The following ATP8B3 variants were observed in gnomAD, a reference collection of about 807,000 sequenced individuals.
The protein encoded by ATP8B3 is ATPase phospholipid transporting 8B3, also known as phospholipid-transporting ATPase IK.
Under a neutral mutation model 140.9 loss-of-function variants are expected in ATP8B3, and 141 were observed. The ratio of observed to expected loss-of-function variants is 1.00; its 90% CI spans 0.87 to 1.15. ATP8B3 has a LOEUF of 1.15. ATP8B3 is among the 50% of genes most tolerant of loss of function. The pLI is 0.00. For missense variants in ATP8B3, 1,874 were observed against 1,740.6 expected (o/e 1.08, Z -1.36); for synonymous variants, 765 against 714.6 (o/e 1.07, Z -1.13).
At chr19:1,785,819 T>C in intron 25 of ATP8B3, 111 bp from the exon 26 acceptor site, 3 of 1,209,354 alleles carry the variant, frequency 2.5e-6, no homozygotes, top group South Asian at 1.5e-5. Context: ...TGTGTGGCTC[T>C]TTGAGTTTAA....
Position 1,805,929 on chromosome 19 carries a change from C to A in ATP8B3, c.780G>T (p.Glu260Asp). The change falls in exon 9 of 29, where the codon GAG becomes GAT. Residue 260 changes from glutamate to aspartate, a missense_variant. Coordinates refer to ENST00000310127, the MANE Select transcript of ATP8B3 (RefSeq NM_138813.4). The surrounding 1 kb of genome is among the most constrained non-coding windows in gnomAD (Gnocchi z 5.2). The stretch of plus-strand genomic sequence containing the variant: ...TCTCCACATAGCACAGGCTGCTGGG[C>A]TCCGTGCTGGCCAGCAAGAGCATGT... The part of the protein sequence containing the change: ...PADMLLLAST[E>D]PSSLCYVETV... 1 of 1,612,846 alleles carries A rather than the reference C, an allele frequency of 6.2e-7. No individual in the cohort carries two copies. The highest frequency in any genetic ancestry group is 8.5e-7 in the Non-Finnish European group (1 of 1,179,838).
At position 1,811,466 on chromosome 19, in the gene ATP8B3, C is replaced by T. The variant is rs201561038; in HGVS notation, c.248+23G>A. On this transcript the variant is annotated intron_variant, in intron 2 of 28. Coordinates refer to ENST00000310127, the MANE Select transcript of ATP8B3 (RefSeq NM_138813.4). ...CCAAGCCCCTGCCCCTGTGTTCCGG[C>T]CACCCGATGCACCCGTCCTCACCCT... 78 of 1,602,778 alleles carry T rather than the reference C, an allele frequency of 4.9e-5. No individual in the cohort carries two copies. In the African/African-American group the frequency reaches 8.4e-4, roughly 17 times the overall value.
chr19:1,783,353 G>C lies in ATP8B3; in HGVS notation c.3661-83C>G. On this transcript the variant is annotated intron_variant, in intron 28 of 28. Transcript: ENST00000310127. The stretch of plus-strand genomic sequence containing the variant: ...CAGGTCCCCCAAGTAGGAGAGGCAG[G>C]ATTCAAAGCCCTTGGCCACTATTGA... The C allele has an allele frequency of 5.4e-6, 8 of 1,493,662 alleles. No individual in the cohort carries two copies. In the South Asian group the frequency reaches 1.0e-4, roughly 19 times the overall value. The allele number at this position is 1,493,662 out of a possible 1,614,324, so 92.5% of individuals were successfully genotyped here. A position where few individuals can be genotyped will look rare whatever the true frequency, so the allele number is the denominator to read the frequency against.
rs201547031 is a variant in ATP8B3, at chr19:1,783,204, G to A, written c.3727C>T (p.Arg1243Trp). 2.5e-5 allele frequency: 40 copies of A among 1,612,406 alleles called. No individual in the cohort carries two copies. The highest frequency in any genetic ancestry group is 6.7e-5 in the East Asian group (3 of 44,822). The change falls in exon 29 of 29, where the codon CGG (arginine) becomes TGG (tryptophan). Residue 1243 changes from arginine to tryptophan, a missense_variant. Arg to Trp is a moderately radical substitution (Grantham distance 101). Around this residue, in one of 3 missense-constraint regions of ATP8B3, gnomAD observed 840 missense variants for 760.9 expected, o/e 1.10. Transcript: ENST00000310127. ...FTMEPLPHVH[R>W]ESRARRSSYA... ...CTGGAACGGCGGGCACGAGACTCCC[G>A]GTGTACATGAGGCAAGGGCTCCATG...
At chr19:1,797,149 G>A (rs1018519320) in intron 14 of ATP8B3, 144 bp from the exon 15 acceptor site, 92 of 1,306,776 alleles carry the variant, frequency 7.0e-5, no homozygotes, top group South Asian at 4.6e-4. Context: ...CCGACACCCC[G>A]AGCAATCTTG....
rs775535225 is a variant in ATP8B3 at position 1,791,794 on chromosome 19, T to A, written c.2258A>T (p.Lys753Met). Residue 753 changes from lysine (K) to methionine (M), a missense_variant, in exon 20 of 29, where the codon AAG becomes ATG. Physicochemically the swap from Lys to Met is moderately conservative, Grantham distance 95. Around this residue, in one of 3 missense-constraint regions of ATP8B3, gnomAD observed 840 missense variants for 760.9 expected, o/e 1.10. Transcript: ENST00000310127. ...CACCCATATTTTGATGTTGCTCTTC[T>A]TGAGACATTTGATGGTTTCAGGGAC... ...DGVPETIKCL[K>M]KSNIKIWVLT... 10 of 1,612,000 alleles carry A rather than the reference T, an allele frequency of 6.2e-6. No homozygotes were observed. The Middle Eastern group carries it at 5.0e-4, about 80-fold the overall frequency.
At position 1,806,000 on chromosome 19, in the gene ATP8B3, G is replaced by C. The variant is rs2069002630; in HGVS notation, c.751-42C>G. 1 of 1,611,286 alleles carries C rather than the reference G, an allele frequency of 6.2e-7. No homozygotes were observed. The highest frequency in any genetic ancestry group is 1.7e-5 in the Admixed American group (1 of 59,898). On this transcript the variant is annotated intron_variant, in intron 8 of 28. Transcript: ENST00000310127. This position sits in a 1 kb window ranked among gnomAD's most constrained non-coding sequence, Gnocchi z 5.2. ...GGCAGCGTTGCAAGAGGGGATGCAA[G>C]ACAAATTGGGGGTGCGGCAGCCCTC...
intron 3 of ATP8B3, 45 bp downstream of exon 3, chr19:1,810,577 A>G (rs1156593953): frequency 4.4e-6 from 7 of 1,588,708 alleles, no homozygotes; most frequent in African/African-American, 1.4e-5. Flanking sequence ...CCTGAACTTC[A>G]TAATCCCTCC....
At position 1,783,056 on chromosome 19, in the gene ATP8B3, G is replaced by A. The variant is rs758245611; in HGVS notation, c.3875C>T (p.Ala1292Val). ...CTGTGACTCTTTTGGGCTCGAAGCTGCCTCTTCATCAGATGGGTCTAGGGA... is the reference window on the plus strand; with the variant it reads ...CTGTGACTCTTTTGGGCTCGAAGCTACCTCTTCATCAGATGGGTCTAGGGA... ...SESLDPSDEE[A>V]ASSPKESQ The change falls in exon 29 of 29, where the codon GCA becomes GTA. Residue 1292 changes from alanine to valine, a missense_variant. By Grantham distance (64) the Ala-to-Val change is moderately conservative. Transcript: ENST00000310127. 2.5e-6 allele frequency: 4 copies of A among 1,611,360 alleles called. No individual in the cohort carries two copies. In the East Asian group the frequency reaches 6.7e-5, roughly 27 times the overall value.
At chr19:1,785,839 A>G (rs2068289559) in intron 25 of ATP8B3, 131 bp from the exon 26 acceptor site, 1 of 1,073,084 alleles carries the variant, frequency 9.3e-7, no homozygotes. Flanking sequence ...AGTGAGTTAA[A>G]ATAAAGTAAG....
rs776972824 is a variant in ATP8B3 at position 1,785,257 on chromosome 19, G to A, written c.3434C>T (p.Ala1145Val). 2.5e-5 allele frequency: 40 copies of A among 1,609,282 alleles called. 1 individual carries two copies. Among genetic ancestry groups the A allele is most frequent in the Non-Finnish European group, 3.1e-5 (36 of 1,177,944 alleles). The part of the protein sequence containing the change: ...IIKYWTALCV[A>V]TILLSLGFYA... Reference sequence around the variant, plus strand: ...GAAACCAAGGCTGAGGAGGATGGTCGCCACGCACAGGGCGGTCCAGTACTT... The same window carrying A: ...GAAACCAAGGCTGAGGAGGATGGTCACCACGCACAGGGCGGTCCAGTACTT... The change falls in exon 27 of 29, where the codon GCG (alanine) becomes GTG (valine). Residue 1145 changes from alanine to valine, a missense_variant. Ala to Val is a moderately conservative substitution (Grantham distance 64). Transcript: ENST00000310127.
At position 1,788,961 on chromosome 19, in the gene ATP8B3, T is replaced by C. The variant is rs979957209; in HGVS notation, c.3005A>G (p.Tyr1002Cys). 2.5e-6 allele frequency: 4 copies of C among 1,609,516 alleles called. No individual in the cohort carries two copies. Among genetic ancestry groups the C allele is most frequent in the African/African-American group, 2.7e-5 (2 of 74,952 alleles). The change falls in exon 24 of 29, where the codon TAC (tyrosine) becomes TGC (cysteine). Residue 1002 changes from tyrosine to cysteine, a missense_variant. By Grantham distance (194) the Tyr-to-Cys change is radical (BLOSUM62 -2). Around this residue, in one of 3 missense-constraint regions of ATP8B3, gnomAD observed 840 missense variants for 760.9 expected, o/e 1.10. Coordinates refer to ENST00000310127, the MANE Select transcript of ATP8B3 (RefSeq NM_138813.4). ...RICKFLRYFF[Y>C]KSMASMMVQV... ...CACCATCATGCTGGCCATGCTCTTG[T>C]AGAAGAAGTAGCGCAGGAACTTGCA...
At chr19:1,792,710 G>T (rs1344915653) in intron 18 of ATP8B3, among the ~76,000 whole-genome samples, 2 of 152,074 alleles carry the variant, frequency 1.3e-5, no homozygotes, top group East Asian at 3.8e-4. Context: ...CCAGGAGTTT[G>T]AGACCAGCTT....
chr19:1,785,755 A>C, intron 25 of ATP8B3, 47 bp from the exon 26 acceptor site: 1 of 1,435,392 alleles, frequency 7.0e-7, no homozygotes, highest in Non-Finnish European at 9.5e-7. Flanking sequence ...GGCGGGGGAC[A>C]CCCAACAGAG....
chr19:1,810,303 G>A (rs1347665380), intron 3 of ATP8B3, among the ~76,000 whole-genome samples: 1 of 152,156 alleles, frequency 6.6e-6, no homozygotes, highest in Non-Finnish European at 1.5e-5. Flanking sequence ...TGTCACCCAG[G>A]CTGGAGTGCA....
At position 1,806,289 on chromosome 19, in the gene ATP8B3, G is replaced by GC; in HGVS notation, c.678-121dup. 1 of 1,497,726 alleles carries GC rather than the reference G, an allele frequency of 6.7e-7. No homozygotes were observed. The highest frequency in any genetic ancestry group is 8.9e-7 in the Non-Finnish European group (1 of 1,127,444). The allele number at this position is 1,497,726 out of a possible 1,614,324, so 92.8% of individuals were successfully genotyped here. A position where few individuals can be genotyped will look rare whatever the true frequency, so the allele number is the denominator to read the frequency against. ...CTGCAGTCCCCACCTCCGGGCCTTT[G>GC]CCCCCTCAGGAAGCCTTCCCCGGGC... On this transcript the variant is annotated intron_variant, in intron 7 of 28. Coordinates refer to ENST00000310127, the MANE Select transcript of ATP8B3 (RefSeq NM_138813.4). The surrounding 1 kb of genome is among the most constrained non-coding windows in gnomAD (Gnocchi z 5.6).
Position 1,782,272 on chromosome 19 carries a change from T to C in ATP8B3, c.*756A>G, listed in dbSNP as rs184276340. ...CGAAGATGCCTCTTCATCAGATGGG[T>C]CTAGGGATTCAGATGCTACGTCACT... On this transcript the variant is annotated 3_prime_UTR_variant, in exon 29 of 29. Transcript: ENST00000310127. 467 of 348,200 alleles carry C rather than the reference T, an allele frequency of 1.3e-3. No homozygotes were observed. Among genetic ancestry groups the C allele is most frequent in the African/African-American group, 9.8e-3 (446 of 45,692 alleles). 21.6% of individuals were successfully genotyped at this position (348,200 alleles called of 1,614,324 possible).
At chr19:1,802,407 A>ACCCCCCCCCCCCCCCCC in intron 11 of ATP8B3, 80 bp downstream of exon 11, 39 of 318,100 alleles carry the variant, frequency 1.2e-4, no homozygotes, top group South Asian at 2.2e-4. Context: ...CCACCCACCT[A>ACCCCCCCCCCCCCCCCC]CCCACCCACC....
At chr19:1,802,069 A>ATCCCCCCC in intron 11 of ATP8B3, 25 bp from the exon 12 acceptor site, 1 of 1,112,376 alleles carries the variant, frequency 9.0e-7, no homozygotes, top group South Asian at 1.4e-5. Flanking sequence ...CCATCTATCC[A>ATCCCCCCC]CCCACCCACC....
Sources: gnomAD v4.1 joint callset for allele counts (sites outside exome capture counted in the v4.1 genomes callset) on GRCh38, gnomAD v4.1.1 for gene constraint, gnomAD v4.1.1 regional missense constraint, Gnocchi (gnomAD v3.1) non-coding constraint, MANE v1.5 for transcripts, NCBI Gene and HGNC (gene_info 2026-07-23, HGNC 2026-07-21) for gene names.